The following XRCC4 variants were observed in gnomAD, a reference collection of about 807,000 sequenced individuals.
The protein encoded by XRCC4 is X-ray repair cross complementing 4.
XRCC4 carries 28 observed loss-of-function variants against 39.1 expected under a neutral mutation model. The ratio of observed to expected loss-of-function variants is 0.72; its 90% CI spans 0.53 to 0.98. The LOEUF (loss-of-function observed/expected upper bound fraction) is 0.98, where lower values mean the gene tolerates loss of function less well. Among genes scored for constraint, XRCC4 ranks in the 50% least tolerant of loss-of-function variants. The pLI, the probability that XRCC4 is intolerant of heterozygous loss-of-function variation, is 0.00. For synonymous variants in XRCC4, 123 were observed against 126.4 expected, an observed-to-expected ratio of 0.97 and a Z score of 0.18; for missense variants, 350 against 376.4, an observed-to-expected ratio of 0.93 and a Z score of 0.58.
intron 3 of XRCC4, among the ~76,000 whole-genome samples, chr5:83,186,814 T>A (rs1267176423): frequency 6.6e-6 from 1 of 152,122 alleles, no homozygotes. Context: ...TCAATATAGG[T>A]CTCACCTAGC....
At position 83,158,360 on chromosome 5, in the gene XRCC4, T is replaced by C. The variant is rs1418413421; in HGVS notation, c.316-37410T>C. Among the ~76,000 whole-genome samples, 4 of 152,120 alleles carry C rather than the reference T, an allele frequency of 2.6e-5. No homozygotes were observed. The East Asian group carries it at 7.7e-4, about 29-fold the overall frequency. On this transcript the variant is annotated intron_variant, in intron 3 of 7. Coordinates refer to ENST00000396027, the MANE Select transcript of XRCC4 (RefSeq NM_003401.5). Reference sequence around the variant, plus strand: ...TACATATAATAGTTTACAAGAGGGATTGGATCTCTGTAGATATTGTGAAAG... The same window carrying C: ...TACATATAATAGTTTACAAGAGGGACTGGATCTCTGTAGATATTGTGAAAG...
At chr5:83,138,240 T>G (rs1282563422) in intron 3 of XRCC4, among the ~76,000 whole-genome samples, 2 of 152,158 alleles carry the variant, frequency 1.3e-5, no homozygotes, top group East Asian at 1.9e-4. Context: ...ATGTACCTAT[T>G]TAAAACTGTT....
chr5:83,295,610 G>C (rs376931856), intron 7 of XRCC4, among the ~76,000 whole-genome samples: 1 of 151,952 alleles, frequency 6.6e-6, no homozygotes, highest in African/African-American at 2.4e-5. Flanking sequence ...TCTTTTTAGG[G>C]GTGAGGTATT....
intron 3 of XRCC4, among the ~76,000 whole-genome samples, chr5:83,179,545 T>A (rs749772315): frequency 6.6e-6 from 1 of 152,168 alleles, no homozygotes; most frequent in Non-Finnish European, 1.5e-5. Flanking sequence ...TGCTTTAACT[T>A]CTTGGCTCTG....
chr5:83,182,768 G>A (rs1750260317), intron 3 of XRCC4, among the ~76,000 whole-genome samples: 3 of 152,132 alleles, frequency 2.0e-5, no homozygotes, highest in Non-Finnish European at 2.9e-5. Flanking sequence ...AGGCCTGAGC[G>A]AGGCTATTGG....
intron 3 of XRCC4, among the ~76,000 whole-genome samples, chr5:83,128,654 A>G (rs1747399359): frequency 1.3e-5 from 2 of 152,122 alleles, no homozygotes; most frequent in South Asian, 2.1e-4. Flanking sequence ...TGACTTTTTA[A>G]TGATCGCCAT....
intron 7 of XRCC4, among the ~76,000 whole-genome samples, chr5:83,264,440 T>G (rs1461354726): frequency 6.6e-6 from 1 of 152,130 alleles, no homozygotes; most frequent in Non-Finnish European, 1.5e-5. Flanking sequence ...ATGTTATGAA[T>G]TATAAAAATT....
chr5:83,141,254 C>G (rs1439690891), intron 3 of XRCC4, among the ~76,000 whole-genome samples: 2 of 152,130 alleles, frequency 1.3e-5, no homozygotes, highest in South Asian at 2.1e-4. Context: ...ATTATGTAAA[C>G]AACACTGCAA....
At chr5:83,136,794 C>A (rs145956101) in intron 3 of XRCC4, among the ~76,000 whole-genome samples, 105 of 152,178 alleles carry the variant, frequency 6.9e-4, no homozygotes, top group African/African-American at 2.5e-3. Flanking sequence ...CTTAAATAGG[C>A]ATTTTCTTTA....
At chr5:83,236,868 G>GAA (rs199522667) in intron 6 of XRCC4, among the ~76,000 whole-genome samples, 10 of 137,620 alleles carry the variant, frequency 7.3e-5, no homozygotes, top group Admixed American at 2.8e-4. Context: ...CTCAATAGGT[G>GAA]AAAAAAAAAA....
At chr5:83,256,335 A>T (rs891350917) in intron 6 of XRCC4, among the ~76,000 whole-genome samples, 8 of 152,192 alleles carry the variant, frequency 5.3e-5, no homozygotes, top group African/African-American at 1.9e-4. Context: ...CAAATACAGT[A>T]TCCTTTTTGG....
intron 6 of XRCC4, among the ~76,000 whole-genome samples, chr5:83,236,043 A>G (rs913997338): frequency 2.0e-5 from 3 of 152,152 alleles, no homozygotes; most frequent in Non-Finnish European, 4.4e-5. Context: ...TGAGAATTAT[A>G]AAACATTGAT....
chr5:83,370,251 T>C, the XRCC4 span, among the ~76,000 whole-genome samples: 1 of 152,134 alleles, frequency 6.6e-6, no homozygotes, highest in Admixed American at 6.5e-5. Flanking sequence ...TGCTAAGTGT[T>C]TGATTCTTGT....
intron 3 of XRCC4, among the ~76,000 whole-genome samples, chr5:83,128,463 A>T (rs1032611618): frequency 1.3e-5 from 2 of 152,142 alleles, no homozygotes; most frequent in Admixed American, 1.3e-4. Flanking sequence ...TAGCAGCATG[A>T]TTTATAATCC....
At chr5:83,278,646 A>G (rs1754420698) in intron 7 of XRCC4, among the ~76,000 whole-genome samples, 1 of 152,148 alleles carries the variant, frequency 6.6e-6, no homozygotes, top group Admixed American at 6.5e-5. Context: ...TAAATAAGTT[A>G]ACATTATTAA....
chr5:83,095,540 G>A (rs1211432516), intron 1 of XRCC4, among the ~76,000 whole-genome samples: 1 of 152,186 alleles, frequency 6.6e-6, no homozygotes, highest in Non-Finnish European at 1.5e-5. Flanking sequence ...AGGATCTGTT[G>A]TGGGATGGTG....
At chr5:83,243,937 T>C (rs1753006260) in intron 6 of XRCC4, among the ~76,000 whole-genome samples, 1 of 152,170 alleles carries the variant, frequency 6.6e-6, no homozygotes, top group African/African-American at 2.4e-5. Flanking sequence ...GCTGCATGCC[T>C]GTCCCTGAGA....
the XRCC4 span, among the ~76,000 whole-genome samples, chr5:83,369,198 G>A: frequency 6.6e-6 from 1 of 152,076 alleles, no homozygotes; most frequent in Non-Finnish European, 1.5e-5. Flanking sequence ...CTGCAAATGG[G>A]ATACACCGTT....
chr5:83,298,641 C>G (rs1275097132), intron 7 of XRCC4, among the ~76,000 whole-genome samples: 1 of 151,778 alleles, frequency 6.6e-6, no homozygotes, highest in Non-Finnish European at 1.5e-5. Context: ...TGGCATAGTA[C>G]ATTAAATGGA....
Sources: gnomAD v4.1 joint callset for allele counts (sites outside exome capture counted in the v4.1 genomes callset) on GRCh38, gnomAD v4.1.1 for gene constraint, MANE v1.5 for transcripts, NCBI Gene and HGNC (gene_info 2026-07-23, HGNC 2026-07-21) for gene names.